Variants in HPCAL1 observed in about 807,000 individuals in gnomAD.
The protein encoded by HPCAL1 is hippocalcin-like protein 1.
In HPCAL1, 8 loss-of-function variants were observed where a neutral mutation model predicts 17.1. The ratio of observed to expected loss-of-function variants is 0.47; its 90% CI spans 0.27 to 0.84. The LOEUF (loss-of-function observed/expected upper bound fraction) is 0.84. HPCAL1 is among the 40% of genes least tolerant of loss of function. The pLI is 0.13. For synonymous variants in HPCAL1, 112 were observed against 111.4 expected (o/e 1.01, Z -0.03); for missense variants, 165 against 271.1 (o/e 0.61, Z 2.75).
At chr2:10,378,232 T>G (rs998162750) in intron 1 of HPCAL1, among the ~76,000 whole-genome samples, 15 of 150,032 alleles carry the variant, frequency 1.0e-4, no homozygotes, top group African/African-American at 3.4e-4. Context: ...TGTTTTTTTT[T>G]TTTTTTTTTT....
chr2:10,394,509 G>A lies in HPCAL1; in HGVS notation c.-110-2326G>A, dbSNP rs1258170217. Among the ~76,000 whole-genome samples, 1 of 152,242 alleles carries A rather than the reference G, an allele frequency of 6.6e-6. No homozygotes were observed. Among genetic ancestry groups the A allele is most frequent in the Non-Finnish European group, 1.5e-5 (1 of 68,044 alleles). Reference sequence around the variant, plus strand: ...AATATGGGGCAAGGCAGAGAGCACAGAGGGGCTTTAGGGCAGCGAGCCCGC... The same window carrying A: ...AATATGGGGCAAGGCAGAGAGCACAAAGGGGCTTTAGGGCAGCGAGCCCGC... On this transcript the variant is annotated intron_variant, in intron 1 of 4. Coordinates refer to ENST00000307845, the MANE Select transcript of HPCAL1 (RefSeq NM_002149.4). The surrounding 1 kb of genome is among the most constrained non-coding windows in gnomAD (Gnocchi z 5.0).
rs570526289 is a variant in HPCAL1, at chr2:10,377,446, G to A, written c.-110-19389G>A. ...CCAGTACAGTCAACAACTCTCACTCGCCGCGGGCACCTGCTGTGCCCACCT... is the reference window on the plus strand; with the variant it reads ...CCAGTACAGTCAACAACTCTCACTCACCGCGGGCACCTGCTGTGCCCACCT... On this transcript the variant is annotated intron_variant, in intron 1 of 4. Coordinates refer to ENST00000307845, the MANE Select transcript of HPCAL1 (RefSeq NM_002149.4). The surrounding 1 kb of genome is among the most constrained non-coding windows in gnomAD (Gnocchi z 5.9). Among the ~76,000 whole-genome samples the A allele has an allele frequency of 3.3e-5, 5 of 152,276 alleles. No homozygotes were observed. The highest frequency in any genetic ancestry group is 2.1e-4 in the South Asian group (1 of 4,828).
At chr2:10,420,330 C>T (rs940100176) in intron 3 of HPCAL1, among the ~76,000 whole-genome samples, 195 bp downstream of exon 3, 2 of 151,364 alleles carry the variant, frequency 1.3e-5, no homozygotes, top group Non-Finnish European at 2.9e-5. Context: ...CCGCTTCAGC[C>T]TCTTGAGCAC....
chr2:10,329,423 G>A (rs1379929123), intron 1 of HPCAL1, among the ~76,000 whole-genome samples: 1 of 152,212 alleles, frequency 6.6e-6, no homozygotes, highest in Non-Finnish European at 1.5e-5. Context: ...CGAGGGAGGT[G>A]TGACTCTGGA....
intron 1 of HPCAL1, among the ~76,000 whole-genome samples, chr2:10,318,571 G>A (rs75263871): frequency 5.4e-4 from 82 of 152,332 alleles, no homozygotes; most frequent in African/African-American, 1.9e-3. Context: ...TGTGAGGAAA[G>A]TGACAGACTC....
In HPCAL1 at chr2:10,394,971, A is replaced by G. The variant is rs142530208; in HGVS notation, c.-110-1864A>G. The stretch of plus-strand genomic sequence containing the variant: ...CCACCACGCATGGCTAATTTTTTGT[A>G]TTTTTAGTAGAGATGGCATTTCATC... On this transcript the variant is annotated intron_variant, in intron 1 of 4. Coordinates refer to ENST00000307845, the MANE Select transcript of HPCAL1 (RefSeq NM_002149.4). This position sits in a 1 kb window ranked among gnomAD's most constrained non-coding sequence, Gnocchi z 5.0. 6.3e-3 allele frequency among the ~76,000 whole-genome samples: 945 copies of G among 150,952 alleles called. 4 individuals are homozygous for G. The highest frequency in any genetic ancestry group is 0.024 in the Middle Eastern group (7 of 292).
chr2:10,312,799 C>T (rs915649143), intron 1 of HPCAL1, among the ~76,000 whole-genome samples: 7 of 152,096 alleles, frequency 4.6e-5, no homozygotes, highest in Middle Eastern at 3.4e-3. Flanking sequence ...TTGTCACCAT[C>T]GTCACCATCA....
intron 1 of HPCAL1, among the ~76,000 whole-genome samples, chr2:10,332,480 G>T (rs1267498048): frequency 1.3e-5 from 2 of 152,130 alleles, no homozygotes; most frequent in Non-Finnish European, 2.9e-5. Context: ...TCTGCCTAGG[G>T]TGGGCAAGGC....
At chr2:10,319,340 C>T (rs186226767) in intron 1 of HPCAL1, among the ~76,000 whole-genome samples, 1 of 152,148 alleles carries the variant, frequency 6.6e-6, no homozygotes, top group African/African-American at 2.4e-5. Flanking sequence ...TGAAGGAAGC[C>T]CCCGTGCCTG....
At chr2:10,360,382 A>G (rs896835105) in intron 1 of HPCAL1, among the ~76,000 whole-genome samples, 3 of 151,900 alleles carry the variant, frequency 2.0e-5, no homozygotes, top group Admixed American at 6.6e-5. Context: ...GAAACAGAAC[A>G]GAACCTCCAC....
At chr2:10,424,269 G>A (rs1030526366) in intron 4 of HPCAL1, 6 of 343,926 alleles carry the variant, frequency 1.7e-5, no homozygotes, top group Non-Finnish European at 2.9e-5. Flanking sequence ...AGGCAGCCAG[G>A]TCACAGTTTC....
intron 4 of HPCAL1, chr2:10,423,865 G>A (rs1249400141): frequency 6.5e-6 from 1 of 152,774 alleles, no homozygotes; most frequent in Non-Finnish European, 1.5e-5. Flanking sequence ...GGCCGAGGTG[G>A]GCAGATCACG....
intron 2 of HPCAL1, among the ~76,000 whole-genome samples, chr2:10,400,687 C>T (rs1193494001): frequency 6.6e-6 from 1 of 152,178 alleles, no homozygotes; most frequent in South Asian, 2.1e-4. Flanking sequence ...CCCCTCCAGC[C>T]CTCAGCCACG....
intron 1 of HPCAL1, among the ~76,000 whole-genome samples, chr2:10,351,776 A>G (rs1665854454): frequency 6.6e-6 from 1 of 152,016 alleles, no homozygotes; most frequent in Non-Finnish European, 1.5e-5. Flanking sequence ...AAACAAACAA[A>G]CAAATAAAGG....
At position 10,359,830 on chromosome 2, in the gene HPCAL1, T is replaced by G. The variant is rs1008464748; in HGVS notation, c.-110-37005T>G. Among the ~76,000 whole-genome samples the G allele has an allele frequency of 6.6e-5, 10 of 151,936 alleles. No homozygotes were observed. The highest frequency in any genetic ancestry group is 1.3e-4 in the Admixed American group (2 of 15,272). The stretch of plus-strand genomic sequence containing the variant: ...TTGTGAAGGCACAGGGAGGGCCCTT[T>G]CCAGAGCAGGCTGCATCTCCCCTCA... On this transcript the variant is annotated intron_variant, in intron 1 of 4. Transcript: ENST00000307845. This position sits in a 1 kb window ranked among gnomAD's most constrained non-coding sequence, Gnocchi z 4.1.
chr2:10,353,488 C>G (rs1265144182), intron 1 of HPCAL1, among the ~76,000 whole-genome samples: 1 of 152,196 alleles, frequency 6.6e-6, no homozygotes, highest in African/African-American at 2.4e-5. Context: ...CCCCTGGCAA[C>G]TGGTTTGTCT....
At position 10,426,915 on chromosome 2, in the gene HPCAL1, T is replaced by C; in HGVS notation, c.*94T>C. On this transcript the variant is annotated 3_prime_UTR_variant, in exon 5 of 5. Coordinates refer to ENST00000307845, the MANE Select transcript of HPCAL1 (RefSeq NM_002149.4). Reference sequence around the variant, plus strand: ...GTGGATGCCCCGCAATCGTTCCTGCTCTCCCGGGCCCCGGGCCTGGGGCAT... The same window carrying C: ...GTGGATGCCCCGCAATCGTTCCTGCCCTCCCGGGCCCCGGGCCTGGGGCAT... The C allele has an allele frequency of 8.1e-7, 1 of 1,233,942 alleles. No individual in the cohort carries two copies. Among genetic ancestry groups the C allele is most frequent in the Non-Finnish European group, 1.2e-6 (1 of 849,558 alleles). The allele number at this position is 1,233,942 out of a possible 1,614,324, so 76.4% of individuals were successfully genotyped here. A position where few individuals can be genotyped will look rare whatever the true frequency, so the allele number is the denominator to read the frequency against.
At chr2:10,399,235 C>CTGCCG (rs1558517462) in intron 2 of HPCAL1, among the ~76,000 whole-genome samples, 15 of 82,006 alleles carry the variant, frequency 1.8e-4, no homozygotes, top group East Asian at 6.6e-4. Context: ...ACCACCACCA[C>CTGCCG]CACCATCACC....
intron 2 of HPCAL1, chr2:10,408,783 G>A (rs1670138445): frequency 6.6e-6 from 1 of 152,152 alleles, no homozygotes; most frequent in Non-Finnish European, 1.5e-5. Context: ...GGGCACTAAG[G>A]AGTGAATAAA....
Sources: allele counts gnomAD v4.1 joint callset (sites outside exome capture counted in the v4.1 genomes callset), GRCh38; gene constraint gnomAD v4.1.1; non-coding constraint Gnocchi (gnomAD v3.1); transcripts MANE v1.5; gene names NCBI Gene and HGNC (gene_info 2026-07-23, HGNC 2026-07-21).